The following KCNJ16 variants were observed in gnomAD, a reference collection of about 807,000 sequenced individuals.
KCNJ16 encodes the protein inward rectifier potassium channel 16.
Under a neutral mutation model 18.5 loss-of-function variants are expected in KCNJ16, and 15 were observed. That is an observed-to-expected ratio of 0.81 (90% CI 0.54 to 1.25). The LOEUF is 1.25. KCNJ16 is among the 50% of genes most tolerant of loss of function. The pLI is 0.00. For synonymous variants in KCNJ16, 174 were observed against 186.5 expected (o/e 0.93, Z 0.55); for missense variants, 523 against 525.7 (o/e 0.99, Z 0.05).
chr17:70,080,262 A>G (rs192204878), intron 1 of KCNJ16, among the ~76,000 whole-genome samples: 1 of 152,176 alleles, frequency 6.6e-6, no homozygotes, highest in African/African-American at 2.4e-5. Flanking sequence ...CAGTAGTAGC[A>G]ACATACCAAG....
chr17:70,129,988 C>T (rs1023753327), intron 2 of KCNJ16, among the ~76,000 whole-genome samples: 1 of 151,720 alleles, frequency 6.6e-6, no homozygotes, highest in African/African-American at 2.4e-5. Flanking sequence ...CAGTAGCTCT[C>T]GATTTATGAA....
At position 70,081,987 on chromosome 17, in the gene KCNJ16, T is replaced by C. The variant is rs568408883; in HGVS notation, c.-300+6597T>C. 1.8e-4 allele frequency among the ~76,000 whole-genome samples: 28 copies of C among 152,332 alleles called. No individual in the cohort carries two copies. The South Asian group carries it at 5.2e-3, about 28-fold the overall frequency. On this transcript the variant is annotated intron_variant, in intron 1 of 3. Coordinates refer to ENST00000392671, the MANE Select transcript of KCNJ16 (RefSeq NM_170741.4). ...CAGTAAACAGAAGGTTGTTGTCTTT[T>C]ACACTTTGGCTTCATGAATTGAACA...
intron 2 of KCNJ16, among the ~76,000 whole-genome samples, chr17:70,119,231 CCT>C (rs2144114709): frequency 6.6e-6 from 1 of 152,280 alleles, no homozygotes; most frequent in East Asian, 1.9e-4. Flanking sequence ...GGGTTTAGTC[CCT>C]GAGACTGCTG....
At chr17:70,099,478 G>C (rs724824) in intron 1 of KCNJ16, among the ~76,000 whole-genome samples, 11 of 151,568 alleles carry the variant, frequency 7.3e-5, no homozygotes, top group Non-Finnish European at 1.5e-4. Flanking sequence ...TCATGGGTAA[G>C]GTCTAGTCAT....
At chr17:70,113,015 T>G (rs2073252125) in intron 2 of KCNJ16, among the ~76,000 whole-genome samples, 1 of 152,198 alleles carries the variant, frequency 6.6e-6, no homozygotes, top group African/African-American at 2.4e-5. Context: ...ATGTTTTCCT[T>G]GGTTACATCT....
At chr17:70,096,008 G>A (rs938006344) in intron 1 of KCNJ16, among the ~76,000 whole-genome samples, 35 of 148,942 alleles carry the variant, frequency 2.3e-4, no homozygotes, top group Admixed American at 8.2e-4. Context: ...TCAGCCTCCC[G>A]AGTAGCTGGG....
At chr17:70,126,055 T>C (rs2073844788) in intron 2 of KCNJ16, among the ~76,000 whole-genome samples, 1 of 152,200 alleles carries the variant, frequency 6.6e-6, no homozygotes, top group South Asian at 2.1e-4. Flanking sequence ...AATGCTTTTA[T>C]ATATATAAGA....
At chr17:70,098,550 ACCTTT>A (rs992147790) in intron 1 of KCNJ16, among the ~76,000 whole-genome samples, 2 of 151,286 alleles carry the variant, frequency 1.3e-5, no homozygotes, top group African/African-American at 2.4e-5. Flanking sequence ...AAAAAAAAAA[ACCTTT>A]ATGGCCTAGT....
chr17:70,099,179 T>A (rs1233173259), intron 1 of KCNJ16, among the ~76,000 whole-genome samples: 2 of 152,210 alleles, frequency 1.3e-5, no homozygotes, highest in Non-Finnish European at 2.9e-5. Context: ...TTCTGACCCA[T>A]GATTTTCACT....
At chr17:70,082,345 A>G (rs1319168712) in intron 1 of KCNJ16, among the ~76,000 whole-genome samples, 1 of 152,190 alleles carries the variant, frequency 6.6e-6, no homozygotes, top group Non-Finnish European at 1.5e-5. Context: ...AAAATGGAAT[A>G]CAGGAGTATG....
rs1253793911 is a variant in KCNJ16 at position 70,133,441 on chromosome 17, T to G, written c.*97T>G. ...GGCTTTTTTGAAAGTGTTATGGCTA[T>G]GTTTTATGATGATGCTGGGTAAGTA... On this transcript the variant is annotated 3_prime_UTR_variant, in exon 4 of 4. Transcript: ENST00000392671. The G allele has an allele frequency of 3.2e-6, 3 of 930,084 alleles. No individual in the cohort carries two copies. Among genetic ancestry groups the G allele is most frequent in the Admixed American group, 2.5e-5 (1 of 40,266 alleles). The allele number at this position is 930,084 out of a possible 1,614,324, so 57.6% of individuals were successfully genotyped here.
chr17:70,110,482 G>GCACACACACA (rs34424075), intron 2 of KCNJ16, among the ~76,000 whole-genome samples: 63 of 149,878 alleles, frequency 4.2e-4, no homozygotes, highest in African/African-American at 1.5e-3. Flanking sequence ...CTTCGTGCGC[G>GCACACACACA]CACACACACA....
chr17:70,113,702 T>C (rs1052187653), intron 2 of KCNJ16, among the ~76,000 whole-genome samples: 12 of 152,182 alleles, frequency 7.9e-5, no homozygotes, highest in African/African-American at 2.9e-4. Flanking sequence ...AAAATATTAC[T>C]AACTTGGGTT....
In KCNJ16 at chr17:70,088,021, CAAAAAA is replaced by C. The variant is rs10661960; in HGVS notation, c.-299-12622_-299-12617del. Among the ~76,000 whole-genome samples the C allele has an allele frequency of 2.1e-3, 166 of 79,456 alleles. 1 individual carries two copies. The Middle Eastern group carries it at 0.034, about 16-fold the overall frequency. The allele number at this position is 79,456 out of a possible 152,430, so 52.1% of individuals were successfully genotyped here. A position where few individuals can be genotyped will look rare whatever the true frequency, so the allele number is the denominator to read the frequency against. On this transcript the variant is annotated intron_variant, in intron 1 of 3. Coordinates refer to ENST00000392671, the MANE Select transcript of KCNJ16 (RefSeq NM_170741.4). ...TGGGCGACAGAGCAAGACTCTGTCT[CAAAAAA>C]AAAAAAAAAAAAAAGTAAAAGAAAA...
chr17:70,077,923 T>C (rs917743390), intron 1 of KCNJ16, among the ~76,000 whole-genome samples: 5 of 152,168 alleles, frequency 3.3e-5, no homozygotes, highest in African/African-American at 1.2e-4. Context: ...TGCTTTCCTA[T>C]ACAAAGACAG....
intron 1 of KCNJ16, among the ~76,000 whole-genome samples, chr17:70,085,596 C>T (rs2071760284): frequency 6.6e-6 from 1 of 152,090 alleles, no homozygotes; most frequent in African/African-American, 2.4e-5. Context: ...CACCTTTGTA[C>T]ATAACTCCAA....
At chr17:70,088,292 G>A (rs760452296) in intron 1 of KCNJ16, among the ~76,000 whole-genome samples, 8 of 152,146 alleles carry the variant, frequency 5.3e-5, no homozygotes, top group African/African-American at 1.2e-4. Context: ...CTCATAAGGA[G>A]CGCACAACCT....
chr17:70,124,483 A>C (rs1202021209), intron 2 of KCNJ16, among the ~76,000 whole-genome samples: 1 of 152,230 alleles, frequency 6.6e-6, no homozygotes, highest in Non-Finnish European at 1.5e-5. Flanking sequence ...AACTACTCCC[A>C]AGGGGAATGT....
intron 2 of KCNJ16, among the ~76,000 whole-genome samples, chr17:70,112,978 A>C (rs2073250143): frequency 6.6e-6 from 1 of 152,218 alleles, no homozygotes; most frequent in Non-Finnish European, 1.5e-5. Context: ...TAAAATTCCT[A>C]AACTTCCTTC....
Sources: gnomAD v4.1 joint callset for allele counts (sites outside exome capture counted in the v4.1 genomes callset) on GRCh38, gnomAD v4.1.1 for gene constraint, MANE v1.5 for transcripts, NCBI Gene and HGNC (gene_info 2026-07-23, HGNC 2026-07-21) for gene names.